The following EPB41L4A variants were observed in gnomAD, a reference collection of about 807,000 sequenced individuals.
The protein encoded by EPB41L4A is erythrocyte membrane protein band 4.1 like 4A.
In EPB41L4A, 100 loss-of-function variants were observed where a neutral mutation model predicts 108.6. The observed-to-expected ratio is 0.92, with a 90% CI of 0.78 to 1.09. The LOEUF (loss-of-function observed/expected upper bound fraction) is 1.09. EPB41L4A is among the 50% of genes least tolerant of loss of function. The pLI, the probability that EPB41L4A is intolerant of heterozygous loss-of-function variation, is 0.00. For synonymous variants in EPB41L4A, 319 were observed against 289.0 expected (o/e 1.10, Z -1.05); for missense variants, 1,030 against 842.7 (o/e 1.22, Z -2.75).
At chr5:112,158,811 C>G (rs2112829308), downstream of EPB41L4A, among the ~76,000 whole-genome samples, 1 of 152,234 alleles carries the variant, frequency 6.6e-6, no homozygotes, top group African/African-American at 2.4e-5. Flanking sequence ...CCACCAGCTC[C>G]CTCCCACAAC....
At chr5:112,308,004 G>A (rs1255396314) in intron 1 of EPB41L4A, among the ~76,000 whole-genome samples, 1 of 152,070 alleles carries the variant, frequency 6.6e-6, no homozygotes, top group Non-Finnish European at 1.5e-5. Context: ...CTAATGTTCT[G>A]AAAAGCCCCT....
At chr5:112,374,743 C>T (rs1022842313) in intron 1 of EPB41L4A, among the ~76,000 whole-genome samples, 2 of 152,146 alleles carry the variant, frequency 1.3e-5, no homozygotes, top group South Asian at 2.1e-4. Flanking sequence ...TATAAAAGAT[C>T]GGTTTTGATT....
chr5:112,241,170 G>A (rs561507757), intron 9 of EPB41L4A, among the ~76,000 whole-genome samples: 2 of 152,158 alleles, frequency 1.3e-5, no homozygotes, highest in South Asian at 2.1e-4. Context: ...GTAAAAAAAA[G>A]ATGCCCACAA....
chr5:112,149,032 CACT>C (rs1176939614), intron 12 of EPB41L4A, among the ~76,000 whole-genome samples: 3 of 152,182 alleles, frequency 2.0e-5, no homozygotes, highest in African/African-American at 7.2e-5. Context: ...AATACTCCTT[CACT>C]ACTATTTTTC....
At chr5:112,337,302 G>A (rs1194449390) in intron 1 of EPB41L4A, among the ~76,000 whole-genome samples, 1 of 152,124 alleles carries the variant, frequency 6.6e-6, no homozygotes, top group African/African-American at 2.4e-5. Flanking sequence ...CCACAATTCA[G>A]TCTGGTCTAA....
intron 1 of EPB41L4A, among the ~76,000 whole-genome samples, chr5:112,330,201 T>G (rs1375059453): frequency 6.6e-6 from 1 of 151,936 alleles, no homozygotes; most frequent in Non-Finnish European, 1.5e-5. Flanking sequence ...ACACTCCCTT[T>G]TTCCTGTAGA....
chr5:112,322,847 A>G (rs1257870301), intron 1 of EPB41L4A, among the ~76,000 whole-genome samples: 1 of 151,962 alleles, frequency 6.6e-6, no homozygotes, highest in East Asian at 1.9e-4. Flanking sequence ...GAAAAATAAC[A>G]ACCCATGTAA....
intron 1 of EPB41L4A, among the ~76,000 whole-genome samples, chr5:112,401,814 C>T (rs1356711527): frequency 6.6e-6 from 1 of 152,164 alleles, no homozygotes; most frequent in Non-Finnish European, 1.5e-5. Flanking sequence ...TCAAGATACA[C>T]TAGTCAGCCT....
intron 2 of EPB41L4A, among the ~76,000 whole-genome samples, chr5:112,285,087 A>C (rs938868617): frequency 6.6e-6 from 1 of 152,154 alleles, no homozygotes; most frequent in Admixed American, 6.5e-5. Flanking sequence ...ACCCTAAAAA[A>C]TTTTTAAAAA....
At position 112,342,963 on chromosome 5, in the gene EPB41L4A, G is replaced by A. The variant is rs565279029; in HGVS notation, c.100-35473C>T. On this transcript the variant is annotated intron_variant, in intron 1 of 22. Transcript: ENST00000261486. ...ACGGTTTCTAAACAGGTTTCTTAGA[G>A]GATTTCTATAATGTACAACTGACTT... Among the ~76,000 whole-genome samples, 4 of 152,274 alleles carry A rather than the reference G, an allele frequency of 2.6e-5. No individual in the cohort carries two copies. The East Asian group carries it at 7.7e-4, about 29-fold the overall frequency.
intron 9 of EPB41L4A, among the ~76,000 whole-genome samples, chr5:112,247,837 T>G (rs1252576825): frequency 6.6e-6 from 1 of 152,198 alleles, no homozygotes; most frequent in African/African-American, 2.4e-5. Context: ...TTTCTTCAGG[T>G]ATGTGACTGT....
downstream of EPB41L4A, among the ~76,000 whole-genome samples, chr5:112,159,790 CT>C (rs1314103640): frequency 8.6e-5 from 13 of 151,758 alleles, no homozygotes; most frequent in African/African-American, 2.9e-4. Context: ...ATTTTTATGA[CT>C]TAGTAGATAT....
intron 1 of EPB41L4A, among the ~76,000 whole-genome samples, chr5:112,321,975 T>A (rs953445845): frequency 6.6e-6 from 1 of 152,210 alleles, no homozygotes; most frequent in Non-Finnish European, 1.5e-5. Flanking sequence ...GGAGGCTTCA[T>A]TAACATTTTT....
intron 1 of EPB41L4A, among the ~76,000 whole-genome samples, chr5:112,363,056 T>A (rs998699728): frequency 6.6e-6 from 1 of 152,126 alleles, no homozygotes; most frequent in African/African-American, 2.4e-5. Flanking sequence ...ATTGGCCATA[T>A]CATTTCCATT....
At chr5:112,387,229 G>A (rs1304828646) in intron 1 of EPB41L4A, among the ~76,000 whole-genome samples, 1 of 152,292 alleles carries the variant, frequency 6.6e-6, no homozygotes, top group African/African-American at 2.4e-5. Context: ...TCATGTCTGA[G>A]AGACCACGTC....
At chr5:112,214,530 G>A (rs975017209) in intron 12 of EPB41L4A, among the ~76,000 whole-genome samples, 5 of 151,848 alleles carry the variant, frequency 3.3e-5, no homozygotes, top group Middle Eastern at 3.2e-3. Flanking sequence ...TTGGGAGGCC[G>A]AGGCGGGCGG....
At chr5:112,402,650 C>G (rs1161775907) in intron 1 of EPB41L4A, among the ~76,000 whole-genome samples, 1 of 152,184 alleles carries the variant, frequency 6.6e-6, no homozygotes, top group East Asian at 1.9e-4. Context: ...AATCACCACC[C>G]CTCCCCTGGG....
At chr5:112,340,033 C>T (rs1757208842) in intron 1 of EPB41L4A, among the ~76,000 whole-genome samples, 1 of 152,090 alleles carries the variant, frequency 6.6e-6, no homozygotes, top group Non-Finnish European at 1.5e-5. Flanking sequence ...CCAGAACTCC[C>T]GATTAGGGCC....
intron 3 of EPB41L4A, among the ~76,000 whole-genome samples, chr5:112,276,837 G>A (rs1312057410): frequency 6.6e-6 from 1 of 152,168 alleles, no homozygotes; most frequent in East Asian, 1.9e-4. Context: ...TTCCTGGCAT[G>A]TGGGAGACCA....
Sources: gnomAD v4.1 joint callset for allele counts (sites outside exome capture counted in the v4.1 genomes callset) on GRCh38, gnomAD v4.1.1 for gene constraint, MANE v1.5 for transcripts, NCBI Gene and HGNC (gene_info 2026-07-23, HGNC 2026-07-21) for gene names.